The following SPAG17 variants were observed in gnomAD, a reference collection of about 807,000 sequenced individuals.
SPAG17 encodes the protein sperm-associated antigen 17.
SPAG17 carries 169 observed loss-of-function variants against 273.6 expected under a neutral mutation model. The ratio of observed to expected loss-of-function variants is 0.62; its 90% confidence interval spans 0.55 to 0.70. The LOEUF (loss-of-function observed/expected upper bound fraction) is 0.70. SPAG17 is among the 30% of genes least tolerant of loss of function. SPAG17 has a pLI of 0.00. For missense variants in SPAG17, 2,557 were observed against 2,627.8 expected (o/e 0.97, Z 0.59); for synonymous variants, 825 against 873.2 (o/e 0.94, Z 0.97).
chr1:118,184,247 A>G (rs145384167), intron 1 of SPAG17, among the ~76,000 whole-genome samples: 160 of 152,362 alleles, frequency 1.1e-3, no homozygotes, highest in African/African-American at 3.7e-3. Context: ...AAAGTAGTTC[A>G]TAATGGCGGG....
intron 4 of SPAG17, among the ~76,000 whole-genome samples, chr1:118,113,216 G>T (rs1451591270): frequency 6.6e-6 from 1 of 152,130 alleles, no homozygotes; most frequent in African/African-American, 2.4e-5. Context: ...AAAAGTTGAG[G>T]AGTCAGTCAC....
intron 3 of SPAG17, among the ~76,000 whole-genome samples, chr1:118,124,732 C>T (rs1657610350): frequency 6.6e-6 from 1 of 152,156 alleles, no homozygotes; most frequent in Non-Finnish European, 1.5e-5. Flanking sequence ...GTGAGTATTC[C>T]TATCACCTAT....
At chr1:117,961,566 T>C (rs1452814138) in intron 48 of SPAG17, 2 of 152,228 alleles carry the variant, frequency 1.3e-5, no homozygotes, top group African/African-American at 2.4e-5. Flanking sequence ...GATTTAAAAC[T>C]ATGGTTTCTG....
chr1:117,998,363 G>T (rs1320366114), intron 32 of SPAG17, among the ~76,000 whole-genome samples: 1 of 152,038 alleles, frequency 6.6e-6, no homozygotes, highest in Admixed American at 6.6e-5. Flanking sequence ...TCAGATGATT[G>T]CAGGTGTGCA....
chr1:118,083,598 A>G (rs1654763626), intron 13 of SPAG17, among the ~76,000 whole-genome samples: 1 of 152,140 alleles, frequency 6.6e-6, no homozygotes, highest in Non-Finnish European at 1.5e-5. Context: ...CAGCCTGACC[A>G]ACATGGTGAA....
intron 48 of SPAG17, chr1:117,954,747 G>C: frequency 1.8e-6 from 2 of 1,084,796 alleles, no homozygotes; most frequent in Admixed American, 4.7e-5. Context: ...GTCTTCAAAA[G>C]TCTCTTTTGA....
chr1:117,978,196 T>C (rs1655343121), intron 43 of SPAG17, among the ~76,000 whole-genome samples: 1 of 152,206 alleles, frequency 6.6e-6, no homozygotes, highest in South Asian at 2.1e-4. Context: ...TTTGCTTTCC[T>C]GCTTATCTGG....
chr1:117,996,082 C>T (rs1571185104), intron 34 of SPAG17, among the ~76,000 whole-genome samples: 1 of 152,078 alleles, frequency 6.6e-6, no homozygotes, highest in South Asian at 2.1e-4. Flanking sequence ...AACTTTGGTA[C>T]ATACCTAAAC....
At chr1:118,033,949 A>G (rs1346105104) in intron 24 of SPAG17, among the ~76,000 whole-genome samples, 1 of 152,122 alleles carries the variant, frequency 6.6e-6, no homozygotes, top group East Asian at 1.9e-4. Context: ...TTATTGCTCT[A>G]TTTATGTTTT....
At chr1:118,043,964 G>C (rs1165219102) in intron 20 of SPAG17, among the ~76,000 whole-genome samples, 1 of 152,016 alleles carries the variant, frequency 6.6e-6, no homozygotes, top group Non-Finnish European at 1.5e-5. Flanking sequence ...TGTAATCATA[G>C]GTTGGCTAAG....
At chr1:118,184,274 C>A (rs1449042814) in intron 1 of SPAG17, among the ~76,000 whole-genome samples, 1 of 152,046 alleles carries the variant, frequency 6.6e-6, no homozygotes, top group Non-Finnish European at 1.5e-5. Flanking sequence ...TTTCCAGAAA[C>A]AACTTTTCTC....
rs371243535 is a variant in SPAG17, at chr1:118,091,916, G to A, written c.1246+14C>T. 2.2e-4 allele frequency: 347 copies of A among 1,613,108 alleles called. No homozygotes were observed. In the African/African-American group the frequency reaches 4.0e-3, roughly 18 times the overall value. Reference sequence around the variant, plus strand: ...TCATGGTGTTGATCCTCCAGCAGCCGATTTCATACATGCCTGGTGGTGGAG... The same window carrying A: ...TCATGGTGTTGATCCTCCAGCAGCCAATTTCATACATGCCTGGTGGTGGAG... On this transcript the variant is annotated intron_variant, in intron 9 of 48. Coordinates refer to ENST00000336338, the MANE Select transcript of SPAG17 (RefSeq NM_206996.4).
chr1:118,168,191 G>C (rs997506421), intron 1 of SPAG17, among the ~76,000 whole-genome samples: 7 of 152,188 alleles, frequency 4.6e-5, no homozygotes, highest in Non-Finnish European at 1.0e-4. Context: ...CAGAAAAAGA[G>C]AAAAAATAAT....
chr1:117,979,396 ATTC>A (rs1447346501), intron 43 of SPAG17, among the ~76,000 whole-genome samples: 1 of 152,076 alleles, frequency 6.6e-6, no homozygotes, highest in East Asian at 1.9e-4. Context: ...TGAGCAGCAA[ATTC>A]TATTGGCTCC....
At chr1:117,985,494 G>A (rs1430684944) in intron 40 of SPAG17, among the ~76,000 whole-genome samples, 1 of 152,188 alleles carries the variant, frequency 6.6e-6, no homozygotes, top group African/African-American at 2.4e-5. Context: ...AAGTAAGCTT[G>A]AGCATGGAAA....
In SPAG17 at chr1:117,996,381, T is replaced by TG; in HGVS notation, c.5041dup (p.Gln1681ProfsTer17). ...TATGGGTCCTCTACCTGGCTGTTCC[T>TG]GCACTGGCTCTTGGAGAACAACAGT... is the stretch of plus-strand genomic sequence containing the variant. On this transcript the variant is annotated frameshift_variant, in exon 34 of 49. Transcript: ENST00000336338. LOFTEE classifies it high-confidence loss of function. 1.9e-6 allele frequency: 3 copies of TG among 1,612,074 alleles called. No individual in the cohort carries two copies. The highest frequency in any genetic ancestry group is 2.5e-6 in the Non-Finnish European group (3 of 1,178,896).
chr1:118,124,286 G>A (rs1255097357), intron 3 of SPAG17, among the ~76,000 whole-genome samples: 1 of 152,140 alleles, frequency 6.6e-6, no homozygotes, highest in Admixed American at 6.6e-5. Context: ...CCTTGCAGTT[G>A]TAGTGACCTT....
intron 18 of SPAG17, among the ~76,000 whole-genome samples, chr1:118,066,082 C>T (rs1652931645): frequency 6.6e-6 from 1 of 152,092 alleles, no homozygotes; most frequent in South Asian, 2.1e-4. Flanking sequence ...TGTGTGCCCA[C>T]ATACAGTATA....
Position 118,012,388 on chromosome 1 carries a change from C to T in SPAG17, c.4288-16G>A, listed in dbSNP as rs764866948. 2 of 1,610,624 alleles carry T rather than the reference C, an allele frequency of 1.2e-6. No individual in the cohort carries two copies. The highest frequency in any genetic ancestry group is 1.7e-5 in the Admixed American group (1 of 59,602). ...TTGTCATAACCTGAACATGAAGAGG[C>T]AGGACATAATCATTTGGCCACATGG... On this transcript the variant is annotated splice_polypyrimidine_tract_variant and intron_variant, in intron 29 of 48. Coordinates refer to ENST00000336338, the MANE Select transcript of SPAG17 (RefSeq NM_206996.4).
Sources: allele counts gnomAD v4.1 joint callset (sites outside exome capture counted in the v4.1 genomes callset), GRCh38; gene constraint gnomAD v4.1.1; transcripts MANE v1.5; gene names NCBI Gene and HGNC (gene_info 2026-07-23, HGNC 2026-07-21).